The following TMEM117 variants were observed in gnomAD, a reference collection of about 807,000 sequenced individuals.
The protein encoded by TMEM117 is transmembrane protein 117.
TMEM117 carries 27 observed loss-of-function variants against 52.4 expected under a neutral mutation model. That is an observed-to-expected ratio of 0.51 (90% CI 0.38 to 0.71). The LOEUF is 0.71. Among genes scored for constraint, TMEM117 ranks in the 30% least tolerant of loss-of-function variants. The probability of loss-of-function intolerance (pLI) is 0.00; values close to 1 mark genes in which losing one functional copy is unlikely to be tolerated. For synonymous variants in TMEM117, 215 were observed against 206.3 expected (o/e 1.04, Z -0.36); for missense variants, 556 against 630.5 (o/e 0.88, Z 1.26).
chr12:44,050,132 A>G (rs1172672231), intron 3 of TMEM117, among the ~76,000 whole-genome samples: 2 of 152,196 alleles, frequency 1.3e-5, no homozygotes, highest in Non-Finnish European at 2.9e-5. Context: ...GTAGTGGGGA[A>G]TCCAGACTAC....
intron 6 of TMEM117, among the ~76,000 whole-genome samples, chr12:44,353,504 T>C (rs1448523826): frequency 6.6e-6 from 1 of 151,404 alleles, no homozygotes; most frequent in East Asian, 1.9e-4. Context: ...CAGTTTCAGC[T>C]TTCTACATAT....
At chr12:44,118,898 A>C (rs1948189534) in intron 3 of TMEM117, among the ~76,000 whole-genome samples, 1 of 152,162 alleles carries the variant, frequency 6.6e-6, no homozygotes. Context: ...TTTACTTTCC[A>C]GTTCTCAGGT....
intron 5 of TMEM117, among the ~76,000 whole-genome samples, chr12:44,238,391 G>A (rs1449567000): frequency 1.3e-5 from 2 of 152,038 alleles, no homozygotes; most frequent in Non-Finnish European, 2.9e-5. Flanking sequence ...TAGAAGGAAG[G>A]AGGGAGGGGA....
chr12:43,891,118 A>G (rs1944095083), intron 2 of TMEM117, among the ~76,000 whole-genome samples: 1 of 152,036 alleles, frequency 6.6e-6, no homozygotes, highest in African/African-American at 2.4e-5. Context: ...ATGTGTCTCA[A>G]TTCTATTCCT....
chr12:44,206,797 C>T (rs1339976479), intron 4 of TMEM117, among the ~76,000 whole-genome samples: 1 of 152,104 alleles, frequency 6.6e-6, no homozygotes, highest in Non-Finnish European at 1.5e-5. Context: ...GAACAACAGA[C>T]ACAAGGGCCT....
intron 5 of TMEM117, among the ~76,000 whole-genome samples, chr12:44,283,787 C>T (rs1798028): frequency 2.0e-5 from 3 of 151,884 alleles, no homozygotes; most frequent in Admixed American, 6.6e-5. Flanking sequence ...AGAGGAGCCA[C>T]GGGCGGAATG....
intron 4 of TMEM117, among the ~76,000 whole-genome samples, chr12:44,151,166 A>G (rs1208479109): frequency 6.6e-6 from 1 of 152,112 alleles, no homozygotes; most frequent in Non-Finnish European, 1.5e-5. Context: ...TTCCCACCAG[A>G]GACAGGGGAT....
Position 43,986,484 on chromosome 12 carries a change from AT to A in TMEM117, c.410+42149del, listed in dbSNP as rs567047647. 1.3e-3 allele frequency among the ~76,000 whole-genome samples: 200 copies of A among 152,106 alleles called. 2 individuals are homozygous for A. Among genetic ancestry groups the A allele is most frequent in the African/African-American group, 4.5e-3 (187 of 41,524 alleles). ...ATCTATTATTGCTGATGTCTTTATG[AT>A]TTTTTTCCTTCCATTACTGCTTTTA... On this transcript the variant is annotated intron_variant, in intron 3 of 7. Coordinates refer to ENST00000266534, the MANE Select transcript of TMEM117 (RefSeq NM_032256.3).
chr12:43,920,320 T>A (rs982717613), intron 2 of TMEM117, among the ~76,000 whole-genome samples: 3 of 152,106 alleles, frequency 2.0e-5, no homozygotes, highest in African/African-American at 7.2e-5. Context: ...GGTCAGAAGA[T>A]CAAGACCACG....
intron 4 of TMEM117, among the ~76,000 whole-genome samples, chr12:44,170,333 T>C (rs1180083589): frequency 6.8e-6 from 1 of 147,300 alleles, no homozygotes; most frequent in Non-Finnish European, 1.5e-5. Flanking sequence ...TTAGGAGGTA[T>C]ACCTAATGTA....
At chr12:43,841,176 T>C (rs772235229) in intron 1 of TMEM117, among the ~76,000 whole-genome samples, 8 of 152,208 alleles carry the variant, frequency 5.3e-5, no homozygotes, top group Non-Finnish European at 8.8e-5. Flanking sequence ...AAATGATCAA[T>C]AATGGAGTCC....
At chr12:44,224,014 T>C (rs1949825940) in intron 5 of TMEM117, among the ~76,000 whole-genome samples, 1 of 152,134 alleles carries the variant, frequency 6.6e-6, no homozygotes, top group Non-Finnish European at 1.5e-5. Flanking sequence ...TACTGTACTC[T>C]CCTTTTTTGG....
In TMEM117 at chr12:44,311,797, GTATATATGTATATATGTATATATA is replaced by G. The variant is rs1950984452; in HGVS notation, c.768+12060_768+12083del. 1.1e-3 allele frequency among the ~76,000 whole-genome samples: 24 copies of G among 22,216 alleles called. 1 individual carries two copies. The highest frequency in any genetic ancestry group is 8.6e-3 in the East Asian group (2 of 232). The allele number at this position is 22,216 out of a possible 152,430, so 14.6% of individuals were successfully genotyped here. ...TATATGTGTATATATGTATATATAT[GTATATATGTATATATGTATATATA>G]TGTATATATGTATATATGTATATAT... On this transcript the variant is annotated intron_variant, in intron 6 of 7. Coordinates refer to ENST00000266534, the MANE Select transcript of TMEM117 (RefSeq NM_032256.3).
chr12:44,213,611 G>T (rs1207128633), intron 5 of TMEM117, among the ~76,000 whole-genome samples: 1 of 152,216 alleles, frequency 6.6e-6, no homozygotes, highest in Non-Finnish European at 1.5e-5. Flanking sequence ...TGTCGTGGGA[G>T]GGACCCAGTG....
chr12:43,918,647 G>A (rs973607098), intron 2 of TMEM117, among the ~76,000 whole-genome samples: 4 of 152,084 alleles, frequency 2.6e-5, no homozygotes, highest in Non-Finnish European at 5.9e-5. Context: ...TTAATTTGAT[G>A]CTTCCTTCGT....
intron 6 of TMEM117, among the ~76,000 whole-genome samples, chr12:44,301,295 T>G (rs1412957484): frequency 6.6e-6 from 1 of 152,020 alleles, no homozygotes; most frequent in African/African-American, 2.4e-5. Context: ...ATGGATTCAC[T>G]CAAAAACTGC....
chr12:44,330,779 G>A (rs1202390772), intron 6 of TMEM117, among the ~76,000 whole-genome samples: 1 of 151,986 alleles, frequency 6.6e-6, no homozygotes, highest in South Asian at 2.1e-4. Flanking sequence ...GGCAGCTTGT[G>A]CATGGAGGTA....
chr12:43,838,765 C>T (rs1261131054), intron 1 of TMEM117, among the ~76,000 whole-genome samples: 1 of 151,576 alleles, frequency 6.6e-6, no homozygotes, highest in Admixed American at 6.6e-5. Flanking sequence ...TAGAGGTAGT[C>T]GTGCCTGTTT....
intron 5 of TMEM117, among the ~76,000 whole-genome samples, chr12:44,279,724 G>A (rs774288706): frequency 3.3e-5 from 5 of 152,024 alleles, no homozygotes; most frequent in Non-Finnish European, 5.9e-5. Context: ...GTGTTGCCCA[G>A]GCTGGTCTTG....
Sources: gnomAD v4.1 joint callset for allele counts (sites outside exome capture counted in the v4.1 genomes callset) on GRCh38, gnomAD v4.1.1 for gene constraint, MANE v1.5 for transcripts, NCBI Gene and HGNC (gene_info 2026-07-23, HGNC 2026-07-21) for gene names.